Variants in GRID2 observed in about 807,000 individuals in gnomAD.
The protein encoded by GRID2 is glutamate ionotropic receptor delta type subunit 2.
In GRID2, 33 loss-of-function variants were observed where a neutral mutation model predicts 114.8. That is an observed-to-expected ratio of 0.29 (90% confidence interval 0.22 to 0.38). GRID2 has a LOEUF of 0.38. GRID2 is among the 10% of genes least tolerant of loss of function. GRID2 has a pLI of 1.00. For synonymous variants in GRID2, 505 were observed against 449.9 expected (o/e 1.12, Z -1.55); for missense variants, 1,184 against 1,257.7 (o/e 0.94, Z 0.89).
At chr4:93,688,289 G>A (rs1469624740) in intron 14 of GRID2, among the ~76,000 whole-genome samples, 5 of 151,754 alleles carry the variant, frequency 3.3e-5, no homozygotes, top group Non-Finnish European at 5.9e-5. Context: ...TCATCTTCAG[G>A]TGTTTACCAC....
intron 13 of GRID2, among the ~76,000 whole-genome samples, chr4:93,604,987 G>T (rs550926744): frequency 6.6e-6 from 1 of 152,218 alleles, no homozygotes; most frequent in East Asian, 1.9e-4. Context: ...CTGTGGTCTG[G>T]AACTGAACCT....
Position 93,268,363 on chromosome 4 carries a change from G to A in GRID2, c.1245+29873G>A, listed in dbSNP as rs1442598184. Among the ~76,000 whole-genome samples, 6 of 152,054 alleles carry A rather than the reference G, an allele frequency of 3.9e-5. No homozygotes were observed. The South Asian group carries it at 8.3e-4, about 21-fold the overall frequency. On this transcript the variant is annotated intron_variant, in intron 8 of 15. Transcript: ENST00000282020. Reference sequence around the variant, plus strand: ...TATAGGGACACCAATCCTGTTGATCGGAAACCCACCTCATGACTTCATTTA... The same window carrying A: ...TATAGGGACACCAATCCTGTTGATCAGAAACCCACCTCATGACTTCATTTA...
rs1185227674 is a variant in GRID2, at chr4:93,021,571, ATATATAT to A, written c.245-63417_245-63411del. On this transcript the variant is annotated intron_variant, in intron 2 of 15. Coordinates refer to ENST00000282020, the MANE Select transcript of GRID2 (RefSeq NM_001510.4). ...GAAAACAAATTTTAAATAATAAATA[ATATATAT>A]TATATAATTTTTATCTTAATCTTAT... is the stretch of plus-strand genomic sequence containing the variant. 1.2e-4 allele frequency among the ~76,000 whole-genome samples: 17 copies of A among 145,850 alleles called. No individual in the cohort carries two copies. The East Asian group carries it at 2.8e-3, about 24-fold the overall frequency.
At chr4:92,332,920 G>A (rs765668520) in intron 1 of GRID2, among the ~76,000 whole-genome samples, 3 of 152,188 alleles carry the variant, frequency 2.0e-5, no homozygotes, top group Non-Finnish European at 4.4e-5. Context: ...TTGCTGTCCT[G>A]GGCTCAGTCC....
At chr4:93,454,546 T>C (rs1723007276) in intron 10 of GRID2, among the ~76,000 whole-genome samples, 1 of 151,982 alleles carries the variant, frequency 6.6e-6, no homozygotes, top group African/African-American at 2.4e-5. Context: ...AACAAAGATA[T>C]ATGAACTCGG....
intron 8 of GRID2, among the ~76,000 whole-genome samples, chr4:93,359,196 C>A (rs965677165): frequency 6.6e-6 from 1 of 152,096 alleles, no homozygotes; most frequent in African/African-American, 2.4e-5. Flanking sequence ...AGGCACACAT[C>A]CTCACATGTC....
chr4:92,857,194 A>G lies in GRID2; in HGVS notation c.245-227801A>G, dbSNP rs1419634523. On this transcript the variant is annotated intron_variant, in intron 2 of 15. Coordinates refer to ENST00000282020, the MANE Select transcript of GRID2 (RefSeq NM_001510.4). ...ACAAAACAAGGTTGAAATTGGGCCA[A>G]TTAACAATCCTACAATGATCTTTAA... Among the ~76,000 whole-genome samples the G allele has an allele frequency of 4.6e-5, 7 of 152,158 alleles. No homozygotes were observed. The South Asian group carries it at 1.0e-3, about 23-fold the overall frequency.
chr4:93,492,750 G>A (rs1267872889), intron 12 of GRID2, among the ~76,000 whole-genome samples: 1 of 151,708 alleles, frequency 6.6e-6, no homozygotes, highest in Non-Finnish European at 1.5e-5. Flanking sequence ...AATAAAAATT[G>A]TACATATTTA....
rs554574778 is a variant in GRID2, at chr4:92,877,732, G to A, written c.245-207263G>A. ...TCTGAAAACCATATAGTCCTGCAAA[G>A]TGGTTTGTAAGTCCATGTTGATGGA... On this transcript the variant is annotated intron_variant, in intron 2 of 15. Transcript: ENST00000282020. Among the ~76,000 whole-genome samples the A allele has an allele frequency of 1.3e-4, 20 of 152,284 alleles. No homozygotes were observed. The East Asian group carries it at 3.7e-3, about 28-fold the overall frequency.
intron 9 of GRID2, among the ~76,000 whole-genome samples, chr4:93,420,713 GTTTA>G (rs1327512954): frequency 5.3e-5 from 5 of 94,022 alleles, no homozygotes; most frequent in Non-Finnish European, 8.6e-5. Context: ...AAATTTATTT[GTTTA>G]TTTATTATTT....
At chr4:93,614,196 C>G (rs1325350848) in intron 13 of GRID2, among the ~76,000 whole-genome samples, 2 of 152,212 alleles carry the variant, frequency 1.3e-5, no homozygotes, top group Non-Finnish European at 2.9e-5. Context: ...CACCCACTGG[C>G]CTGCGCCCAC....
intron 2 of GRID2, among the ~76,000 whole-genome samples, chr4:92,753,492 G>A (rs1016504571): frequency 2.0e-5 from 3 of 152,170 alleles, no homozygotes; most frequent in Non-Finnish European, 4.4e-5. Flanking sequence ...TATGCATCCT[G>A]TTTTCATAGA....
intron 1 of GRID2, among the ~76,000 whole-genome samples, chr4:92,340,295 C>G (rs568794068): frequency 6.6e-6 from 1 of 152,278 alleles, no homozygotes; most frequent in East Asian, 1.9e-4. Context: ...AAAACGAGGT[C>G]TTATTCCTGC....
At chr4:93,783,233 A>T (rs1461883337) in intron 1 of GRID2, among the ~76,000 whole-genome samples, 1 of 152,230 alleles carries the variant, frequency 6.6e-6, no homozygotes, top group Non-Finnish European at 1.5e-5. Flanking sequence ...GAGTCTCGTA[A>T]TAACCCTGTA....
chr4:92,379,652 GA>G (rs1248107749), intron 1 of GRID2, among the ~76,000 whole-genome samples: 1 of 151,798 alleles, frequency 6.6e-6, no homozygotes, highest in Non-Finnish European at 1.5e-5. Context: ...TACAGGCTCT[GA>G]AAAATGAAAG....
intron 1 of GRID2, among the ~76,000 whole-genome samples, chr4:92,588,823 C>G (rs932770916): frequency 2.0e-5 from 3 of 151,978 alleles, no homozygotes; most frequent in Non-Finnish European, 2.9e-5. Flanking sequence ...GCAGTGATGG[C>G]CAGGCACAGC....
chr4:92,623,215 T>G (rs528329867), intron 2 of GRID2, among the ~76,000 whole-genome samples: 39 of 151,770 alleles, frequency 2.6e-4, no homozygotes, highest in African/African-American at 8.7e-4. Context: ...GTTCAATTAA[T>G]ATTGTATTCA....
intron 3 of GRID2, among the ~76,000 whole-genome samples, chr4:93,104,618 C>G (rs6852692): frequency 0.46 from 69,404 of 151,958 alleles, 16,373 homozygotes; most frequent in Admixed American, 0.61. Flanking sequence ...TCATCCATGT[C>G]CCTACAGAGG....
chr4:92,541,807 A>G (rs1447331534), intron 1 of GRID2, among the ~76,000 whole-genome samples: 1 of 152,178 alleles, frequency 6.6e-6, no homozygotes. Context: ...ATCTTAATTT[A>G]CTGTTAGAGA....
Sources: allele counts gnomAD v4.1 joint callset (sites outside exome capture counted in the v4.1 genomes callset), GRCh38; gene constraint gnomAD v4.1.1; transcripts MANE v1.5; gene names NCBI Gene and HGNC (gene_info 2026-07-23, HGNC 2026-07-21).